The following NRG1 variants were observed in gnomAD, a reference collection of about 807,000 sequenced individuals.
NRG1 encodes pro-neuregulin-1, membrane-bound isoform.
Under a neutral mutation model 63.8 loss-of-function variants are expected in NRG1, and 18 were observed. That is an observed-to-expected ratio of 0.28 (90% CI 0.19 to 0.42). NRG1 has a LOEUF of 0.42. Ranked by LOEUF, NRG1 falls within the 10% of genes least tolerant of loss-of-function variation. The pLI, the probability that NRG1 is intolerant of heterozygous loss-of-function variation, is 1.00. For missense variants in NRG1, 762 were observed against 814.7 expected (o/e 0.94, Z 0.79); for synonymous variants, 302 against 301.3 (o/e 1.00, Z -0.02).
Position 32,068,653 on chromosome 8 carries a change from A to T in NRG1, c.37+429222A>T, listed in dbSNP as rs550351323. On this transcript the variant is annotated intron_variant, in intron 1 of 10. Coordinates refer to the NRG1 transcript ENST00000519301. ...TTACCCCTTCTGAGGTAAAAGAAAAAGTCCTCTACAAAAACCTGACAGTAT... is the reference window on the plus strand; with the variant it reads ...TTACCCCTTCTGAGGTAAAAGAAAATGTCCTCTACAAAAACCTGACAGTAT... 4.6e-5 allele frequency among the ~76,000 whole-genome samples: 7 copies of T among 152,276 alleles called. No homozygotes were observed. The South Asian group carries it at 1.5e-3, about 32-fold the overall frequency.
intron 1 of NRG1, among the ~76,000 whole-genome samples, chr8:31,900,891 T>G (rs1832020944): frequency 6.6e-6 from 1 of 152,234 alleles, no homozygotes; most frequent in African/African-American, 2.4e-5. Context: ...TGGCAGTAAG[T>G]GCCCTTCCTG....
chr8:31,639,675 C>A, intron 1 of NRG1: 1 of 1,392,672 alleles, frequency 7.2e-7, no homozygotes, highest in South Asian at 1.6e-5. Flanking sequence ...GCGGCGGCGG[C>A]GCGGGGGGTG....
intron 1 of NRG1, among the ~76,000 whole-genome samples, chr8:32,464,279 A>ACCCCCCCCCCCCCC (rs144963557): frequency 1.2e-5 from 1 of 86,638 alleles, no homozygotes; most frequent in Non-Finnish European, 2.2e-5. Context: ...ACTTATCCCC[A>ACCCCCCCCCCCCCC]CCCCCCCCCA....
intron 1 of NRG1, among the ~76,000 whole-genome samples, chr8:32,424,693 G>A (rs569246204): frequency 6.6e-6 from 1 of 152,136 alleles, no homozygotes; most frequent in South Asian, 2.1e-4. Flanking sequence ...AACATAGGAA[G>A]GCCCCATTTC....
intron 9 of NRG1, among the ~76,000 whole-genome samples, chr8:32,757,678 G>A (rs1025745912): frequency 2.6e-5 from 4 of 152,108 alleles, no homozygotes; most frequent in East Asian, 3.9e-4. Context: ...ATATATAAAC[G>A]GTAGAATGAC....
At chr8:32,372,460 A>G (rs1032023532) in intron 1 of NRG1, among the ~76,000 whole-genome samples, 2 of 152,176 alleles carry the variant, frequency 1.3e-5, no homozygotes, top group Admixed American at 1.3e-4. Context: ...ATCGCTTACA[A>G]AACAACACAG....
At chr8:32,369,266 T>A (rs1808485656) in intron 1 of NRG1, among the ~76,000 whole-genome samples, 2 of 152,212 alleles carry the variant, frequency 1.3e-5, no homozygotes, top group African/African-American at 2.4e-5. Flanking sequence ...AGCCGCTTCC[T>A]CTCTTCACTC....
At chr8:32,373,100 A>G (rs576009528) in intron 1 of NRG1, among the ~76,000 whole-genome samples, 1 of 152,266 alleles carries the variant, frequency 6.6e-6, no homozygotes, top group African/African-American at 2.4e-5. Context: ...TGTTAGTGTG[A>G]GAACTATTAC....
At chr8:32,128,154 TG>T (rs1311565960) in intron 1 of NRG1, among the ~76,000 whole-genome samples, 6 of 151,944 alleles carry the variant, frequency 3.9e-5, no homozygotes, top group Non-Finnish European at 7.4e-5. Context: ...TCCCTGAACC[TG>T]GGAACTAACA....
chr8:31,646,320 A>G (rs551993268), intron 1 of NRG1, among the ~76,000 whole-genome samples: 1 of 152,336 alleles, frequency 6.6e-6, no homozygotes, highest in African/African-American at 2.4e-5. Context: ...AAGGGAACCT[A>G]GAGGAGGGAA....
At chr8:32,335,391 C>T (rs1275847328) in intron 1 of NRG1, among the ~76,000 whole-genome samples, 1 of 152,160 alleles carries the variant, frequency 6.6e-6, no homozygotes, top group Non-Finnish European at 1.5e-5. Flanking sequence ...TTCTGTTATT[C>T]TCCTCTGTCC....
At chr8:32,685,131 T>A (rs903465873) in intron 5 of NRG1, among the ~76,000 whole-genome samples, 6 of 152,116 alleles carry the variant, frequency 3.9e-5, no homozygotes, top group African/African-American at 9.7e-5. Flanking sequence ...TTAAAAAAAA[T>A]TTAAATTTTT....
intron 5 of NRG1, among the ~76,000 whole-genome samples, chr8:32,705,292 C>G (rs6985766): frequency 1.3e-5 from 2 of 151,954 alleles, no homozygotes; most frequent in East Asian, 3.9e-4. Flanking sequence ...CCACCACACC[C>G]GGGTAATTTT....
At chr8:32,455,690 A>G (rs879785376) in intron 1 of NRG1, among the ~76,000 whole-genome samples, 3 of 152,216 alleles carry the variant, frequency 2.0e-5, no homozygotes, top group Admixed American at 2.0e-4. Context: ...TAATGACCAA[A>G]TGAGACTGAT....
chr8:32,429,862 T>C (rs1817910323), intron 1 of NRG1, among the ~76,000 whole-genome samples: 2 of 152,170 alleles, frequency 1.3e-5, no homozygotes, highest in African/African-American at 4.8e-5. Context: ...CCATGTACAT[T>C]TTTAAGAAAA....
intron 1 of NRG1, among the ~76,000 whole-genome samples, chr8:31,641,337 T>A (rs1198194534): frequency 6.6e-6 from 1 of 151,740 alleles, no homozygotes; most frequent in African/African-American, 2.4e-5. Context: ...GGTGGGGGTT[T>A]TTTTTTTTGG....
intron 1 of NRG1, among the ~76,000 whole-genome samples, chr8:32,096,297 C>T (rs752307800): frequency 5.3e-5 from 8 of 152,178 alleles, no homozygotes; most frequent in Admixed American, 2.6e-4. Flanking sequence ...AAAAATTTTT[C>T]GTTGATACAT....
intron 1 of NRG1, among the ~76,000 whole-genome samples, chr8:32,070,745 G>T (rs1389303751): frequency 6.6e-6 from 1 of 152,188 alleles, no homozygotes; most frequent in African/African-American, 2.4e-5. Flanking sequence ...TCTCTGCAAA[G>T]GCAGCAGAGT....
chr8:32,543,044 T>C lies in NRG1; in HGVS notation c.38-52784T>C, dbSNP rs188286855. Among the ~76,000 whole-genome samples the C allele has an allele frequency of 7.9e-5, 12 of 152,292 alleles. No individual in the cohort carries two copies. The East Asian group carries it at 2.1e-3, about 27-fold the overall frequency. On this transcript the variant is annotated intron_variant, in intron 1 of 10. Transcript: ENST00000519301. ...TAATCACTGAACTAGGCTTTTTATCTTCATTCTGTTCTATTTAGGTTCATT... is the reference window on the plus strand; with the variant it reads ...TAATCACTGAACTAGGCTTTTTATCCTCATTCTGTTCTATTTAGGTTCATT...
Sources: gnomAD v4.1 joint callset for allele counts (sites outside exome capture counted in the v4.1 genomes callset) on GRCh38, gnomAD v4.1.1 for gene constraint, MANE v1.5 for transcripts, NCBI Gene and HGNC (gene_info 2026-07-23, HGNC 2026-07-21) for gene names.